ZNF532: variants seen among roughly 807,000 people sequenced by gnomAD.
The protein encoded by ZNF532 is zinc finger protein 532.
In ZNF532, 22 loss-of-function variants were observed where a neutral mutation model predicts 89.3. The observed-to-expected ratio is 0.25, with a 90% CI of 0.18 to 0.35. ZNF532 has a LOEUF of 0.35. Among genes scored for constraint, ZNF532 ranks in the 10% least tolerant of loss-of-function variants. The pLI, the probability that ZNF532 is intolerant of heterozygous loss-of-function variation, is 1.00. For synonymous variants in ZNF532, 606 were observed against 649.6 expected, an observed-to-expected ratio of 0.93 and a Z score of 1.02; for missense variants, 1,132 against 1,643.4, an observed-to-expected ratio of 0.69 and a Z score of 5.38.
At chr18:58,870,732 T>TG (rs1410995777) in intron 2 of ZNF532, among the ~76,000 whole-genome samples, 1 of 150,452 alleles carries the variant, frequency 6.6e-6, no homozygotes, top group Non-Finnish European at 1.5e-5. Flanking sequence ...GGGGATGGAG[T>TG]GGTAGGTGGG....
At chr18:58,884,994 T>C (rs1421148299) in intron 2 of ZNF532, among the ~76,000 whole-genome samples, 3 of 146,108 alleles carry the variant, frequency 2.1e-5, no homozygotes, top group Admixed American at 6.8e-5. Context: ...TTTTTTTTTT[T>C]CTTTTTTTTT....
chr18:58,945,330 G>A (rs1568390934), intron 5 of ZNF532, among the ~76,000 whole-genome samples: 1 of 152,196 alleles, frequency 6.6e-6, no homozygotes, highest in Non-Finnish European at 1.5e-5. Context: ...GGATCACTCT[G>A]GGGGCAAGGG....
chr18:58,942,234 G>A (rs1345531984), intron 5 of ZNF532, among the ~76,000 whole-genome samples: 1 of 150,856 alleles, frequency 6.6e-6, no homozygotes, highest in Admixed American at 6.6e-5. Context: ...GTGTTAGCCA[G>A]GATGGTCTCG....
intron 5 of ZNF532, among the ~76,000 whole-genome samples, chr18:58,944,348 C>T (rs933358255): frequency 2.0e-5 from 3 of 151,628 alleles, no homozygotes; most frequent in Non-Finnish European, 4.4e-5. Context: ...TTCCCGCTCC[C>T]CCTCTCCTCC....
chr18:58,964,193 T>C (rs1003111748), intron 7 of ZNF532: 1 of 152,194 alleles, frequency 6.6e-6, no homozygotes, highest in African/African-American at 2.4e-5. Context: ...CTTTTAAAAC[T>C]CATCTTTTAG....
chr18:58,928,857 A>G (rs913641784), intron 3 of ZNF532, among the ~76,000 whole-genome samples: 3 of 152,208 alleles, frequency 2.0e-5, no homozygotes, highest in African/African-American at 7.2e-5. Flanking sequence ...TCCATGAAGT[A>G]TTTAAGAGCT....
At chr18:58,938,470 A>G (rs1447880242) in intron 4 of ZNF532, among the ~76,000 whole-genome samples, 1 of 152,272 alleles carries the variant, frequency 6.6e-6, no homozygotes, top group Non-Finnish European at 1.5e-5. Flanking sequence ...CTAGAAATTC[A>G]TAAAGTAAGG....
chr18:58,878,651 G>A lies in ZNF532; in HGVS notation c.-18+13072G>A, dbSNP rs115038703. Among the ~76,000 whole-genome samples the A allele has an allele frequency of 4.1e-3, 629 of 152,358 alleles. 3 individuals carry two copies. Among genetic ancestry groups the A allele is most frequent in the African/African-American group, 0.014 (566 of 41,576 alleles). ...GTGGCTGAGGTGAGGGGTGTGCATTGGGAGAGGCAGTAGCTCCTTGCCTGG... is the reference window on the plus strand; with the variant it reads ...GTGGCTGAGGTGAGGGGTGTGCATTAGGAGAGGCAGTAGCTCCTTGCCTGG... On this transcript the variant is annotated intron_variant, in intron 2 of 9. Coordinates refer to ENST00000591808, the MANE Select transcript of ZNF532 (RefSeq NM_001375912.1).
intron 7 of ZNF532, among the ~76,000 whole-genome samples, chr18:58,962,791 C>T (rs1381196223): frequency 1.3e-5 from 2 of 152,052 alleles, no homozygotes; most frequent in East Asian, 1.9e-4. Flanking sequence ...TTAGTAGAGA[C>T]GGGGTTTCAC....
intron 2 of ZNF532, among the ~76,000 whole-genome samples, chr18:58,894,370 G>A (rs2059113404): frequency 6.6e-6 from 1 of 151,772 alleles, no homozygotes; most frequent in South Asian, 2.1e-4. Flanking sequence ...AGTAAGCTGA[G>A]GCAGGAGAAT....
chr18:58,952,454 G>C (rs554654130), intron 6 of ZNF532, among the ~76,000 whole-genome samples: 27 of 152,238 alleles, frequency 1.8e-4, no homozygotes, highest in African/African-American at 6.0e-4. Flanking sequence ...GCCCAGGCTA[G>C]AGTGCAGTGG....
chr18:58,874,285 CTACTT>C (rs1268284263), intron 2 of ZNF532, among the ~76,000 whole-genome samples: 1 of 152,064 alleles, frequency 6.6e-6, no homozygotes, highest in East Asian at 1.9e-4. Flanking sequence ...CTACTTGGCT[CTACTT>C]TCATTTGTGG....
intron 2 of ZNF532, among the ~76,000 whole-genome samples, chr18:58,885,289 G>GTAATTTTTTTTTT (rs2058220424): frequency 6.6e-6 from 1 of 152,042 alleles, no homozygotes; most frequent in Admixed American, 6.6e-5. Flanking sequence ...GCGCTCAGCT[G>GTAATTTTTTTTTT]GGTGTTTTTT....
chr18:58,941,884 T>TCTTCCTTCCTTTTCCTTC (rs2063076841), intron 5 of ZNF532, among the ~76,000 whole-genome samples: 1 of 142,042 alleles, frequency 7.0e-6, no homozygotes, highest in Non-Finnish European at 1.5e-5. Flanking sequence ...TTTCCATCTT[T>TCTTCCTTCCTTTTCCTTC]CTTCCTTCCT....
Position 58,939,446 on chromosome 18 carries a change from T to C in ZNF532, c.2530T>C (p.Cys844Arg). 1.2e-6 allele frequency: 2 copies of C among 1,611,874 alleles called. No individual in the cohort carries two copies. Among genetic ancestry groups the C allele is most frequent in the Non-Finnish European group, 1.7e-6 (2 of 1,179,080 alleles). The change falls in exon 5 of 10, where the codon TGT (cysteine) becomes CGT (arginine). Residue 844 changes from cysteine to arginine, a missense_variant and splice_region_variant. Around this residue, in one of 9 missense-constraint regions of ZNF532, gnomAD observed 415 missense variants for 604.8 expected, o/e 0.69. Transcript: ENST00000591808. Reference protein sequence around the residue: ...LHYTRRVGFRCVHCNVVYSDV... With the variant: ...LHYTRRVGFRRVHCNVVYSDV... The stretch of plus-strand genomic sequence containing the variant: ...ACCGTGTGTTTATTTTTCTAACAGA[T>C]GTGTGCATTGCAATGTTGTGTACTC...
At chr18:58,976,581 G>A (rs1273669917) in intron 7 of ZNF532, among the ~76,000 whole-genome samples, 1 of 151,118 alleles carries the variant, frequency 6.6e-6, no homozygotes, top group Non-Finnish European at 1.5e-5. Flanking sequence ...GCCTTGCTCT[G>A]TCTCACAGGC....
In ZNF532 at chr18:58,888,879, T is replaced by TA. The variant is rs1178944508; in HGVS notation, c.-18+23301dup. On this transcript the variant is annotated intron_variant, in intron 2 of 9. Coordinates refer to ENST00000591808, the MANE Select transcript of ZNF532 (RefSeq NM_001375912.1). ...ATTTATATATATATAATATATATTA[T>TA]ATATATATATTTTATATATATATAT... is the stretch of plus-strand genomic sequence containing the variant. Among the ~76,000 whole-genome samples the TA allele has an allele frequency of 2.1e-4, 10 of 47,376 alleles. No individual in the cohort carries two copies. The South Asian group carries it at 3.6e-3, about 17-fold the overall frequency. 31.1% of individuals were successfully genotyped at this position (47,376 alleles called of 152,430 possible).
chr18:58,924,458 A>G (rs536532369), intron 3 of ZNF532, among the ~76,000 whole-genome samples: 2 of 152,310 alleles, frequency 1.3e-5, no homozygotes, highest in Non-Finnish European at 2.9e-5. Context: ...TGTAAAGGGT[A>G]TGGCCTCTGG....
chr18:58,947,070 C>T (rs1315549166), intron 5 of ZNF532, among the ~76,000 whole-genome samples: 1 of 152,160 alleles, frequency 6.6e-6, no homozygotes, highest in Non-Finnish European at 1.5e-5. Flanking sequence ...CAGCTTTTCT[C>T]TGACCTTTTC....
Sources: allele counts gnomAD v4.1 joint callset (sites outside exome capture counted in the v4.1 genomes callset), GRCh38; gene constraint gnomAD v4.1.1; regional missense constraint gnomAD v4.1.1; transcripts MANE v1.5; gene names NCBI Gene and HGNC (gene_info 2026-07-23, HGNC 2026-07-21).